UGT2B28: variants seen among roughly 807,000 people sequenced by gnomAD.
The protein encoded by UGT2B28 is UDP glucuronosyltransferase family 2 member B28, also known as UDP-glucuronosyltransferase 2B28.
In UGT2B28, 45 loss-of-function variants were observed where a neutral mutation model predicts 43.6. That is an observed-to-expected ratio of 1.03 (90% CI 0.81 to 1.32). UGT2B28 has a LOEUF of 1.32. Among genes scored for constraint, UGT2B28 ranks in the 40% most tolerant of loss-of-function variants. The pLI is 0.00. For synonymous variants in UGT2B28, 204 were observed against 208.1 expected (o/e 0.98, Z 0.17); for missense variants, 649 against 625.5 (o/e 1.04, Z -0.40).
At chr4:69,285,527 C>A (rs923951274) in intron 2 of UGT2B28, among the ~76,000 whole-genome samples, 2 of 139,558 alleles carry the variant, frequency 1.4e-5, no homozygotes, top group African/African-American at 5.6e-5. Flanking sequence ...TCACACACAA[C>A]ACCTAGAAGC....
intron 2 of UGT2B28, among the ~76,000 whole-genome samples, chr4:69,286,277 A>C (rs765617391): frequency 7.1e-6 from 1 of 141,756 alleles, no homozygotes; most frequent in Non-Finnish European, 1.5e-5. Context: ...CTCAGTGCTC[A>C]TATTTAGGGA....
rs563972958 is a variant in UGT2B28, at chr4:69,294,927, T to G, written c.*118T>G. ...TTCTTCCTGTGACAAAAAAAAAAAC[T>G]TTTCAAAATCTACCTTGTCAAGTAA... On this transcript the variant is annotated 3_prime_UTR_variant, in exon 6 of 6. Transcript: ENST00000335568. The G allele has an allele frequency of 1.0e-5, 13 of 1,274,694 alleles. No homozygotes were observed. The South Asian group carries it at 2.4e-4, about 23-fold the overall frequency. The allele number at this position is 1,274,694 out of a possible 1,614,324, so 79.0% of individuals were successfully genotyped here.
rs1387333745 is a variant in UGT2B28, at chr4:69,292,099, T to C, written c.1310+1288T>C. Among the ~76,000 whole-genome samples, 23 of 141,058 alleles carry C rather than the reference T, an allele frequency of 1.6e-4. 2 individuals are homozygous for C. The highest frequency in any genetic ancestry group is 3.2e-4 in the Non-Finnish European group (21 of 65,830). The allele number at this position is 141,058 out of a possible 152,430, so 92.5% of individuals were successfully genotyped here. On this transcript the variant is annotated intron_variant, in intron 5 of 5. Coordinates refer to ENST00000335568, the MANE Select transcript of UGT2B28 (RefSeq NM_053039.2). ...TATTAAGTTTTAAGAACTACTTATA[T>C]ATTATGGGTCAAATCAGATATATAA...
rs72552705 is a variant in UGT2B28 at position 69,294,625 on chromosome 4, G to C, written c.1406G>C (p.Cys469Ser). Residue 469 changes from cysteine (C) to serine (S), a missense_variant, in exon 6 of 6, where the codon TGC becomes TCC. Coordinates refer to ENST00000335568, the MANE Select transcript of UGT2B28 (RefSeq NM_053039.2). ...RAVFWIEFVM[C>S]HKGAKHLRVA... The stretch of plus-strand genomic sequence containing the variant: ...GTCTTCTGGATTGAATTTGTGATGT[G>C]CCACAAAGGAGCCAAACACCTTCGA... 0.24 allele frequency: 361,149 copies of C among 1,496,736 alleles called. 86,911 individuals are homozygous for C. The highest frequency in any genetic ancestry group is 0.38 in the Middle Eastern group (2,112 of 5,624). The allele number at this position is 1,496,736 out of a possible 1,614,324, so 92.7% of individuals were successfully genotyped here. A position where few individuals can be genotyped will look rare whatever the true frequency, so the allele number is the denominator to read the frequency against.
rs1334470580 is a variant in UGT2B28 at position 69,291,607 on chromosome 4, G to C, written c.1310+796G>C. Reference sequence around the variant, plus strand: ...CTTTACACTTGTGTAATATTTTATAGTATGGATATGTCATAATTTAGTTGT... The same window carrying C: ...CTTTACACTTGTGTAATATTTTATACTATGGATATGTCATAATTTAGTTGT... On this transcript the variant is annotated intron_variant, in intron 5 of 5. Coordinates refer to ENST00000335568, the MANE Select transcript of UGT2B28 (RefSeq NM_053039.2). Among the ~76,000 whole-genome samples, 31 of 140,414 alleles carry C rather than the reference G, an allele frequency of 2.2e-4. 8 individuals are homozygous for C. The highest frequency in any genetic ancestry group is 8.0e-4 in the African/African-American group (29 of 36,026). The allele number at this position is 140,414 out of a possible 152,430, so 92.1% of individuals were successfully genotyped here.
chr4:69,292,803 C>T (rs184178048), intron 5 of UGT2B28, among the ~76,000 whole-genome samples: 3 of 139,510 alleles, frequency 2.2e-5, no homozygotes, highest in East Asian at 4.1e-4. Flanking sequence ...TATGATCCAG[C>T]CATAGTGGAA....
At chr4:69,286,025 A>T (rs1723763900) in intron 2 of UGT2B28, among the ~76,000 whole-genome samples, 1 of 141,432 alleles carries the variant, frequency 7.1e-6, no homozygotes, top group Non-Finnish European at 1.5e-5. Context: ...ATTATTCAAC[A>T]ACTAACTATA....
At position 69,284,784 on chromosome 4, in the gene UGT2B28, G is replaced by A. The variant is rs1205865323; in HGVS notation, c.871-1968G>A. ...ATTATGTAAAATAACTGCTAACACA[G>A]GTTGCTTTCTTTTCAATTATATATT... On this transcript the variant is annotated intron_variant, in intron 2 of 5. Coordinates refer to ENST00000335568, the MANE Select transcript of UGT2B28 (RefSeq NM_053039.2). Among the ~76,000 whole-genome samples, 3 of 140,362 alleles carry A rather than the reference G, an allele frequency of 2.1e-5. 1 individual carries two copies. The highest frequency in any genetic ancestry group is 4.6e-5 in the Non-Finnish European group (3 of 65,732). 92.1% of individuals were successfully genotyped at this position (140,362 alleles called of 152,430 possible). A position where few individuals can be genotyped will look rare whatever the true frequency, so the allele number is the denominator to read the frequency against.
chr4:69,283,432 G>T lies in UGT2B28; in HGVS notation c.870+770G>T, dbSNP rs1300821510. Among the ~76,000 whole-genome samples the T allele has an allele frequency of 2.9e-5, 4 of 139,810 alleles. 1 individual carries two copies. The highest frequency in any genetic ancestry group is 1.1e-4 in the African/African-American group (4 of 35,770). The allele number at this position is 139,810 out of a possible 152,430, so 91.7% of individuals were successfully genotyped here. A position where few individuals can be genotyped will look rare whatever the true frequency, so the allele number is the denominator to read the frequency against. ...GAAACGATTCTCTTTTTTAAGAAGA[G>T]CCTCCAAGATATTCAATGGATTAAA... On this transcript the variant is annotated intron_variant, in intron 2 of 5. Transcript: ENST00000335568.
Position 69,280,933 on chromosome 4 carries a change from T to C in UGT2B28, c.433T>C (p.Phe145Leu), listed in dbSNP as rs1292584083. 2.6e-6 allele frequency: 4 copies of C among 1,560,066 alleles called. No homozygotes were observed. Among genetic ancestry groups the C allele is most frequent in the African/African-American group, 1.5e-5 (1 of 66,076 alleles). Residue 145 changes from phenylalanine (F) to leucine (L), a missense_variant, in exon 1 of 6, where the codon TTT becomes CTT. Coordinates refer to ENST00000335568, the MANE Select transcript of UGT2B28 (RefSeq NM_053039.2). ...KVMKKLQESR[F>L]DIIFADAFFP... ...TATGAAAAAACTACAAGAGTCAAGA[T>C]TTGACATCATTTTTGCAGATGCTTT...
At chr4:69,293,065 C>A (rs1261042610) in intron 5 of UGT2B28, among the ~76,000 whole-genome samples, 1 of 140,250 alleles carries the variant, frequency 7.1e-6, no homozygotes, top group Non-Finnish European at 1.5e-5. Context: ...ATCTATTCAT[C>A]GTAAAATGAA....
rs531237753 is a variant in UGT2B28 at position 69,285,815 on chromosome 4, C to T, written c.871-937C>T. 9.9e-5 allele frequency among the ~76,000 whole-genome samples: 14 copies of T among 140,910 alleles called. 1 individual carries two copies. The South Asian group carries it at 2.3e-3, about 24-fold the overall frequency. The allele number at this position is 140,910 out of a possible 152,430, so 92.4% of individuals were successfully genotyped here. On this transcript the variant is annotated intron_variant, in intron 2 of 5. Coordinates refer to ENST00000335568, the MANE Select transcript of UGT2B28 (RefSeq NM_053039.2). ...TTCACCAGGCGTGTAATGTGGTGTG[C>T]GTGAGCTACTCAAAAGAGAGACAAG...
In UGT2B28 at chr4:69,281,148, T is replaced by G; in HGVS notation, c.648T>G (p.Tyr216Ter). The change falls in exon 1 of 6, where the codon TAT (tyrosine) becomes TAG (stop). Residue 216 changes from tyrosine (Y) to a stop codon, truncating the protein, a stop_gained. Transcript: ENST00000335568. LOFTEE classifies it high-confidence loss of function. ...TGGAGAGGGTAAAAAACATGATCTA[T>G]GTGCTTTATTTTGACTTTTGGTTCC... ...TFMERVKNMI[Y>*]VLYFDFWFQM... 4 of 1,554,446 alleles carry G rather than the reference T, an allele frequency of 2.6e-6. 1 individual carries two copies. In the East Asian group the frequency reaches 9.2e-5, roughly 36 times the overall value.
Position 69,282,415 on chromosome 4 carries a change from T to G in UGT2B28, c.722-99T>G, listed in dbSNP as rs1723640887. On this transcript the variant is annotated intron_variant, in intron 1 of 5. Coordinates refer to ENST00000335568, the MANE Select transcript of UGT2B28 (RefSeq NM_053039.2). The stretch of plus-strand genomic sequence containing the variant: ...TATATTTTTCAAAGCACACAAACTT[T>G]ACCTACATCTTTGCCTACATAATTC... The G allele has an allele frequency of 3.1e-6, 4 of 1,276,116 alleles. 1 individual carries two copies. Among genetic ancestry groups the G allele is most frequent in the African/African-American group, 1.8e-5 (1 of 55,374 alleles). The allele number at this position is 1,276,116 out of a possible 1,614,324, so 79.0% of individuals were successfully genotyped here. A position where few individuals can be genotyped will look rare whatever the true frequency, so the allele number is the denominator to read the frequency against.
intron 2 of UGT2B28, among the ~76,000 whole-genome samples, chr4:69,283,942 ATAAAACAC>A: frequency 7.1e-6 from 1 of 141,278 alleles, no homozygotes; most frequent in Non-Finnish European, 1.5e-5. Flanking sequence ...GTATTCGAGC[ATAAAACAC>A]TTCCTCAACA....
chr4:69,291,093 C>T lies in UGT2B28; in HGVS notation c.1310+282C>T, dbSNP rs181209650. On this transcript the variant is annotated intron_variant, in intron 5 of 5. Transcript: ENST00000335568. Reference sequence around the variant, plus strand: ...TACATTTCTTAAAATTTTAACATAACGAATCCATAGTAGAAAGGAAGAATA... The same window carrying T: ...TACATTTCTTAAAATTTTAACATAATGAATCCATAGTAGAAAGGAAGAATA... 2.9e-5 allele frequency among the ~76,000 whole-genome samples: 4 copies of T among 139,416 alleles called. 1 individual carries two copies. Among genetic ancestry groups the T allele is most frequent in the East Asian group, 2.0e-4 (1 of 4,902 alleles). 91.5% of individuals were successfully genotyped at this position (139,416 alleles called of 152,430 possible). A position where few individuals can be genotyped will look rare whatever the true frequency, so the allele number is the denominator to read the frequency against.
rs769114586 is a variant in UGT2B28, at chr4:69,294,593, T to C, written c.1374T>C (p.His458=). The change falls in exon 6 of 6, where the codon CAT becomes CAC. Residue 458 remains histidine (H), a synonymous_variant. Transcript: ENST00000335568. ...IQHDQPVKPL[H]RAVFWIEFVM... ...ATGATCAACCAGTAAAGCCCCTGCA[T>C]CGAGCAGTCTTCTGGATTGAATTTG... The C allele has an allele frequency of 5.1e-5, 79 of 1,556,926 alleles. 5 individuals are homozygous for C. Among genetic ancestry groups the C allele is most frequent in the Non-Finnish European group, 6.8e-5 (78 of 1,153,742 alleles).
In UGT2B28 at chr4:69,294,921, A is replaced by T; in HGVS notation, c.*112A>T. The T allele has an allele frequency of 7.5e-7, 1 of 1,334,952 alleles. No homozygotes were observed. The highest frequency in any genetic ancestry group is 9.7e-7 in the Non-Finnish European group (1 of 1,033,220). The allele number at this position is 1,334,952 out of a possible 1,614,324, so 82.7% of individuals were successfully genotyped here. A position where few individuals can be genotyped will look rare whatever the true frequency, so the allele number is the denominator to read the frequency against. ...ATTTCTTTCTTCCTGTGACAAAAAA[A>T]AAAACTTTTCAAAATCTACCTTGTC... On this transcript the variant is annotated 3_prime_UTR_variant, in exon 6 of 6. Transcript: ENST00000335568.
rs1309211982 is a variant in UGT2B28 at position 69,292,440 on chromosome 4, C to A, written c.1310+1629C>A. ...AAGAAGATGGGAAATAATTGAAAAG[C>A]AACACAAACCAGCTTGGACAAATAG... On this transcript the variant is annotated intron_variant, in intron 5 of 5. Transcript: ENST00000335568. 4.3e-5 allele frequency among the ~76,000 whole-genome samples: 6 copies of A among 139,990 alleles called. 2 individuals are homozygous for A. The highest frequency in any genetic ancestry group is 9.2e-5 in the Non-Finnish European group (6 of 65,544). The allele number at this position is 139,990 out of a possible 152,430, so 91.8% of individuals were successfully genotyped here.
Sources: gnomAD v4.1 joint callset for allele counts (sites outside exome capture counted in the v4.1 genomes callset) on GRCh38, gnomAD v4.1.1 for gene constraint, MANE v1.5 for transcripts, NCBI Gene and HGNC (gene_info 2026-07-23, HGNC 2026-07-21) for gene names.